The following NAALADL2 variants were observed in gnomAD, a reference collection of about 807,000 sequenced individuals.
NAALADL2 encodes the protein N-acetylated alpha-linked acidic dipeptidase like 2, also known as inactive N-acetylated-alpha-linked acidic dipeptidase-like protein 2.
In NAALADL2, 76 loss-of-function variants were observed where a neutral mutation model predicts 87.2. The observed-to-expected ratio is 0.87, with a 90% CI of 0.72 to 1.05. NAALADL2 has a LOEUF of 1.05. NAALADL2 is among the 50% of genes least tolerant of loss of function. The pLI is 0.00. For missense variants in NAALADL2, 1,089 were observed against 945.8 expected (o/e 1.15, Z -1.99); for synonymous variants, 354 against 331.0 (o/e 1.07, Z -0.75).
chr3:174,676,092 T>G (rs1727008389), intron 2 of NAALADL2, among the ~76,000 whole-genome samples: 1 of 152,064 alleles, frequency 6.6e-6, no homozygotes, highest in Non-Finnish European at 1.5e-5. Context: ...CCACTTTGGT[T>G]TTTGAAGCTG....
chr3:175,096,807 C>G lies in NAALADL2; in HGVS notation c.61C>G (p.Gln21Glu), dbSNP rs755118774. 13 of 1,526,492 alleles carry G rather than the reference C, an allele frequency of 8.5e-6. No homozygotes were observed. The South Asian group carries it at 1.6e-4, about 19-fold the overall frequency. The allele number at this position is 1,526,492 out of a possible 1,614,324, so 94.6% of individuals were successfully genotyped here. A position where few individuals can be genotyped will look rare whatever the true frequency, so the allele number is the denominator to read the frequency against. Residue 21 changes from glutamine to glutamate, a missense_variant, in exon 2 of 14, where the codon CAG (glutamine) becomes GAG (glutamate). By Grantham distance (29) the Gln-to-Glu change is conservative (BLOSUM62 2). Transcript: ENST00000454872. ...TSLQGKKMAY[Q>E]KVHADQRAPG... ...TTTCACAGGTAAAAAGATGGCCTAT[C>G]AGAAGGTCCATGCAGATCAAAGAGC...
At chr3:174,638,342 G>A (rs1326819586) in intron 2 of NAALADL2, among the ~76,000 whole-genome samples, 6 of 152,058 alleles carry the variant, frequency 3.9e-5, no homozygotes, top group Non-Finnish European at 7.4e-5. Context: ...ATTTAGTGAA[G>A]ACCAATTTTA....
chr3:175,279,112 A>C (rs1202651696), intron 4 of NAALADL2, among the ~76,000 whole-genome samples: 1 of 152,158 alleles, frequency 6.6e-6, no homozygotes, highest in East Asian at 1.9e-4. Flanking sequence ...TATTTTGTTC[A>C]AAGAAGTAGA....
At position 175,423,028 on chromosome 3, in the gene NAALADL2, A is replaced by AAAAAAAAATAT. The variant is rs1438736874; in HGVS notation, c.1091-24200_1091-24199insAAAAAAATATA. ...CTCCCAGGTCCTTAAGAAAAAAAAA[A>AAAAAAAAATAT]ATATATATATATATATATATATATT... On this transcript the variant is annotated intron_variant, in intron 5 of 13. Coordinates refer to ENST00000454872, the MANE Select transcript of NAALADL2 (RefSeq NM_207015.3). Among the ~76,000 whole-genome samples the AAAAAAAAATAT allele has an allele frequency of 3.9e-3, 429 of 111,232 alleles. 11 individuals are homozygous for AAAAAAAAATAT. The highest frequency in any genetic ancestry group is 0.017 in the African/African-American group (412 of 24,388). The allele number at this position is 111,232 out of a possible 152,430, so 73.0% of individuals were successfully genotyped here. A position where few individuals can be genotyped will look rare whatever the true frequency, so the allele number is the denominator to read the frequency against.
intron 1 of NAALADL2, among the ~76,000 whole-genome samples, chr3:174,461,099 A>T (rs1716188811): frequency 6.6e-6 from 1 of 152,090 alleles, no homozygotes; most frequent in African/African-American, 2.4e-5. Flanking sequence ...GAGGGCCATA[A>T]GTATGCTTTG....
At chr3:174,872,932 C>T (rs546297686) in intron 1 of NAALADL2, among the ~76,000 whole-genome samples, 1 of 152,142 alleles carries the variant, frequency 6.6e-6, no homozygotes, top group Admixed American at 6.6e-5. Context: ...ATTTTGAAAG[C>T]ATTGTCTGGG....
intron 1 of NAALADL2, among the ~76,000 whole-genome samples, chr3:174,487,302 G>A (rs908535880): frequency 6.6e-6 from 1 of 151,992 alleles, no homozygotes; most frequent in Non-Finnish European, 1.5e-5. Flanking sequence ...CAACCTAGAT[G>A]TCTCTAATTA....
intron 1 of NAALADL2, among the ~76,000 whole-genome samples, chr3:174,904,273 G>T (rs931025196): frequency 1.3e-4 from 19 of 151,938 alleles, no homozygotes; most frequent in African/African-American, 2.9e-4. Context: ...ATGTTAAAGT[G>T]TTAGAATGTT....
chr3:175,686,773 C>T (rs1439335138), intron 11 of NAALADL2, among the ~76,000 whole-genome samples: 1 of 152,100 alleles, frequency 6.6e-6, no homozygotes, highest in African/African-American at 2.4e-5. Context: ...TTTTCCGTGA[C>T]TATTTGCAAA....
Position 174,507,421 on chromosome 3 carries a change from T to A in NAALADL2, c.-183-43148T>A, listed in dbSNP as rs560097341. Among the ~76,000 whole-genome samples the A allele has an allele frequency of 1.8e-4, 27 of 152,312 alleles. No individual in the cohort carries two copies. The South Asian group carries it at 5.2e-3, about 29-fold the overall frequency. On this transcript the variant is annotated intron_variant, in intron 1 of 3. Transcript: ENST00000434257. ...TATGAGTTTTTCTCACTGATTTTTT[T>A]AATACATTTCAATACAGTTTCTTCT...
intron 4 of NAALADL2, among the ~76,000 whole-genome samples, chr3:175,287,630 C>T (rs1317082048): frequency 2.0e-5 from 3 of 152,128 alleles, no homozygotes; most frequent in African/African-American, 7.2e-5. Context: ...CGATGCTATG[C>T]TTTTTCCAAG....
chr3:174,925,598 T>A (rs1735897137), intron 1 of NAALADL2, among the ~76,000 whole-genome samples: 1 of 152,232 alleles, frequency 6.6e-6, no homozygotes, highest in South Asian at 2.1e-4. Context: ...TTTTTTCCAA[T>A]TCTGTGAAGA....
chr3:175,059,194 CTCT>C (rs1559972070), intron 1 of NAALADL2, among the ~76,000 whole-genome samples: 1 of 150,720 alleles, frequency 6.6e-6, no homozygotes, highest in Non-Finnish European at 1.5e-5. Context: ...TTTTATTCAT[CTCT>C]TTTTTCCCAC....
intron 2 of NAALADL2, among the ~76,000 whole-genome samples, chr3:175,190,916 T>C (rs1447503748): frequency 6.8e-6 from 1 of 146,984 alleles, no homozygotes; most frequent in Non-Finnish European, 1.5e-5. Flanking sequence ...AGGCGGAGCT[T>C]GCAGTGAGCC....
intron 1 of NAALADL2, among the ~76,000 whole-genome samples, chr3:174,901,583 A>G (rs1482190267): frequency 6.6e-6 from 1 of 152,208 alleles, no homozygotes; most frequent in Non-Finnish European, 1.5e-5. Context: ...TTAGGCCTCA[A>G]GATCTTCTTG....
intron 2 of NAALADL2, among the ~76,000 whole-genome samples, chr3:175,193,352 C>A (rs1738492371): frequency 6.6e-6 from 1 of 151,610 alleles, no homozygotes; most frequent in South Asian, 2.1e-4. Context: ...GAGGGTTTAT[C>A]TCAAGGAGAA....
At chr3:174,614,381 G>A (rs1720237925) in intron 2 of NAALADL2, among the ~76,000 whole-genome samples, 1 of 152,160 alleles carries the variant, frequency 6.6e-6, no homozygotes, top group Admixed American at 6.5e-5. Context: ...CACTGGGATG[G>A]GTGATTCCCA....
In NAALADL2 at chr3:175,750,712, T is replaced by A. The variant is rs182115661; in HGVS notation, c.1991-4508T>A. Among the ~76,000 whole-genome samples the A allele has an allele frequency of 1.6e-3, 249 of 152,348 alleles. 1 individual carries two copies. In the Middle Eastern group the frequency reaches 0.027, roughly 17 times the overall value. On this transcript the variant is annotated intron_variant, in intron 12 of 13. Transcript: ENST00000454872. ...TCATGATCTATCTCTCAAGGTTTAC[T>A]TCTTCCCTGGACACTTGTCAGATCA... is the stretch of plus-strand genomic sequence containing the variant.
intron 13 of NAALADL2, among the ~76,000 whole-genome samples, chr3:175,763,124 A>C (rs1472018035): frequency 6.6e-6 from 1 of 151,992 alleles, no homozygotes; most frequent in Non-Finnish European, 1.5e-5. Context: ...TAAATAAAAT[A>C]TCTAAGTAGC....
Sources: gnomAD v4.1 joint callset for allele counts (sites outside exome capture counted in the v4.1 genomes callset) on GRCh38, gnomAD v4.1.1 for gene constraint, MANE v1.5 for transcripts, NCBI Gene and HGNC (gene_info 2026-07-23, HGNC 2026-07-21) for gene names.